The following NEK6 variants were observed in gnomAD, a reference collection of about 807,000 sequenced individuals.
The protein encoded by NEK6 is serine/threonine-protein kinase Nek6.
NEK6 carries 27 observed loss-of-function variants against 43.5 expected under a neutral mutation model. The ratio of observed to expected loss-of-function variants is 0.62; its 90% CI spans 0.46 to 0.86. NEK6 has a LOEUF of 0.86. NEK6 is among the 40% of genes least tolerant of loss of function. The pLI is 0.00. For missense variants in NEK6, 318 were observed against 414.4 expected (o/e 0.77, Z 2.02); for synonymous variants, 167 against 164.1 (o/e 1.02, Z -0.14).
In NEK6 at chr9:124,285,064, T is replaced by C. The variant is rs542534525; in HGVS notation, c.-29-16872T>C. ...GAGCAGAGGAAAACACATCAGCAGA[T>C]TGTTTAAGCCAAAAAATGTCTGTTG... On this transcript the variant is annotated intron_variant, in intron 1 of 9. Coordinates refer to ENST00000320246, the MANE Select transcript of NEK6 (RefSeq NM_014397.6). 1.4e-4 allele frequency among the ~76,000 whole-genome samples: 22 copies of C among 152,248 alleles called. 1 individual carries two copies. Among genetic ancestry groups the C allele is most frequent in the East Asian group, 1.3e-3 (7 of 5,186 alleles).
In NEK6 at chr9:124,278,841, C is replaced by T. The variant is rs895966490; in HGVS notation, c.-30+20756C>T. Among the ~76,000 whole-genome samples the T allele has an allele frequency of 2.0e-5, 3 of 152,164 alleles. No individual in the cohort carries two copies. The East Asian group carries it at 5.8e-4, about 29-fold the overall frequency. ...GACTCCCCGCTCCCTTGAGAATTCCCGTCACCTAGAGCACCCGTCCCAGCC... is the reference window on the plus strand; with the variant it reads ...GACTCCCCGCTCCCTTGAGAATTCCTGTCACCTAGAGCACCCGTCCCAGCC... On this transcript the variant is annotated intron_variant, in intron 1 of 9. Transcript: ENST00000320246.
chr9:124,303,002 G>T (rs1342240646), intron 2 of NEK6, among the ~76,000 whole-genome samples: 1 of 152,222 alleles, frequency 6.6e-6, no homozygotes. Context: ...TGCTCTTACG[G>T]AGCACACAGC....
chr9:124,277,318 C>T lies in NEK6; in HGVS notation c.-30+19233C>T, dbSNP rs555385677. On this transcript the variant is annotated intron_variant, in intron 1 of 9. Transcript: ENST00000320246. The stretch of plus-strand genomic sequence containing the variant: ...AAAATTAACCAGGCATGGTGGCACA[C>T]GCCTGTAATCCCAGCTACTTGGGAG... Among the ~76,000 whole-genome samples the T allele has an allele frequency of 3.9e-5, 6 of 152,304 alleles. No individual in the cohort carries two copies. The South Asian group carries it at 8.3e-4, about 21-fold the overall frequency.
chr9:124,340,451 G>C (rs1217927378), intron 8 of NEK6, among the ~76,000 whole-genome samples: 1 of 152,172 alleles, frequency 6.6e-6, no homozygotes, highest in African/African-American at 2.4e-5. Context: ...ACCACCAAAG[G>C]CTGGGTGGCT....
intron 1 of NEK6, among the ~76,000 whole-genome samples, chr9:124,295,657 G>T (rs1013532247): frequency 1.3e-5 from 2 of 152,154 alleles, no homozygotes; most frequent in African/African-American, 4.8e-5. Flanking sequence ...CCGTCTAGGG[G>T]TCTGTAAGTG....
At chr9:124,341,043 CTTTCT>C (rs1018292569) in intron 8 of NEK6, among the ~76,000 whole-genome samples, 3 of 152,212 alleles carry the variant, frequency 2.0e-5, no homozygotes, top group African/African-American at 7.2e-5. Flanking sequence ...TTCACAGCAT[CTTTCT>C]TTTGTTTTTT....
At chr9:124,263,110 T>G (rs1831098534) in intron 1 of NEK6, 1 of 152,366 alleles carries the variant, frequency 6.6e-6, no homozygotes, top group Middle Eastern at 3.4e-3. Flanking sequence ...AAACTTGGGC[T>G]TGTTGGGAAG....
rs570029743 is a variant in NEK6, at chr9:124,321,572, G to T, written c.405+3G>T. 6.3e-6 allele frequency: 10 copies of T among 1,598,308 alleles called. No homozygotes were observed. The South Asian group carries it at 1.1e-4, about 18-fold the overall frequency. ...GGGACCTCTCGCAGATGATCAAGGT[G>T]AGCGCCTGGCGGGGTGGGGGTGCTG... On this transcript the variant is annotated splice_donor_region_variant and intron_variant, in intron 5 of 9. Coordinates refer to ENST00000320246, the MANE Select transcript of NEK6 (RefSeq NM_014397.6).
intron 7 of NEK6, among the ~76,000 whole-genome samples, chr9:124,335,942 T>G (rs1477094804): frequency 2.6e-5 from 4 of 152,156 alleles, no homozygotes; most frequent in African/African-American, 4.8e-5. Flanking sequence ...AGAACCTCTC[T>G]CTACAAAGAA....
chr9:124,328,633 G>A (rs1356892693), intron 7 of NEK6, among the ~76,000 whole-genome samples: 1 of 152,236 alleles, frequency 6.6e-6, no homozygotes, highest in Non-Finnish European at 1.5e-5. Context: ...CAAGCGGGGT[G>A]TGAGAGACAG....
chr9:124,270,323 T>G (rs1044170372), intron 1 of NEK6, among the ~76,000 whole-genome samples: 1 of 152,076 alleles, frequency 6.6e-6, no homozygotes, highest in African/African-American at 2.4e-5. Context: ...GGGGGCTGAG[T>G]GTCCAAGAAG....
At chr9:124,348,806 C>T (rs1048913506) in intron 9 of NEK6, among the ~76,000 whole-genome samples, 28 of 152,368 alleles carry the variant, frequency 1.8e-4, no homozygotes, top group African/African-American at 5.8e-4. Context: ...CGTCACCTCA[C>T]GATAATAACA....
In NEK6 at chr9:124,258,084, C is replaced by T. The variant is rs1830878164; in HGVS notation, c.-31C>T. On this transcript the variant is annotated splice_region_variant and 5_prime_UTR_variant, in exon 1 of 10. Transcript: ENST00000320246. ...GCGGCAGCCGAGCCCGCCCGCGCGC[C>T]GGTGAGTCGCCTGGGGCTGGGGCCG... The T allele has an allele frequency of 1.0e-6, 1 of 979,030 alleles. No individual in the cohort carries two copies. Among genetic ancestry groups the T allele is most frequent in the Admixed American group, 6.4e-5 (1 of 15,702 alleles). The allele number at this position is 979,030 out of a possible 1,614,324, so 60.6% of individuals were successfully genotyped here.
intron 8 of NEK6, among the ~76,000 whole-genome samples, chr9:124,345,627 G>A (rs1424255371): frequency 2.6e-5 from 4 of 152,132 alleles, no homozygotes; most frequent in African/African-American, 9.7e-5. Context: ...GTTGAAGATC[G>A]GCTGATTCCT....
At chr9:124,288,876 G>T (rs1476947278) in intron 1 of NEK6, among the ~76,000 whole-genome samples, 1 of 152,128 alleles carries the variant, frequency 6.6e-6, no homozygotes, top group African/African-American at 2.4e-5. Context: ...TCAGATCCAG[G>T]ACACTGCCTC....
chr9:124,294,129 G>T (rs903576726), intron 1 of NEK6, among the ~76,000 whole-genome samples: 3 of 152,206 alleles, frequency 2.0e-5, no homozygotes, highest in Non-Finnish European at 4.4e-5. Context: ...ACCTTGAGAG[G>T]CCAGGGTGGG....
intron 6 of NEK6, among the ~76,000 whole-genome samples, 173 bp from the exon 7 acceptor site, chr9:124,327,163 CTG>C (rs1398472515): frequency 1.3e-5 from 2 of 152,164 alleles, no homozygotes; most frequent in African/African-American, 4.8e-5. Context: ...TATGAAGAAA[CTG>C]AGGCTCAGAA....
At chr9:124,294,087 T>C (rs1219055570) in intron 1 of NEK6, among the ~76,000 whole-genome samples, 1 of 152,180 alleles carries the variant, frequency 6.6e-6, no homozygotes, top group African/African-American at 2.4e-5. Context: ...AGACTATGGC[T>C]GGGCATGGTG....
At chr9:124,293,988 G>A (rs1222988188) in intron 1 of NEK6, among the ~76,000 whole-genome samples, 1 of 152,224 alleles carries the variant, frequency 6.6e-6, no homozygotes, top group Non-Finnish European at 1.5e-5. Flanking sequence ...CAGCCTCCCT[G>A]CAAGCTTGGG....
Sources: gnomAD v4.1 joint callset for allele counts (sites outside exome capture counted in the v4.1 genomes callset) on GRCh38, gnomAD v4.1.1 for gene constraint, MANE v1.5 for transcripts, NCBI Gene and HGNC (gene_info 2026-07-23, HGNC 2026-07-21) for gene names.